GALNT18: variants seen among roughly 807,000 people sequenced by gnomAD.
GALNT18 encodes the protein GalNAc-transferase 18.
In GALNT18, 44 loss-of-function variants were observed where a neutral mutation model predicts 69.5. That is an observed-to-expected ratio of 0.63 (90% CI 0.50 to 0.81). The LOEUF (loss-of-function observed/expected upper bound fraction) is 0.81. GALNT18 is among the 40% of genes least tolerant of loss of function. The pLI, the probability that GALNT18 is intolerant of heterozygous loss-of-function variation, is 0.00. For synonymous variants in GALNT18, 364 were observed against 318.2 expected (o/e 1.14, Z -1.53); for missense variants, 715 against 810.0 (o/e 0.88, Z 1.42).
intron 1 of GALNT18, among the ~76,000 whole-genome samples, chr11:11,472,639 CTAA>C (rs1856298486): frequency 6.6e-6 from 1 of 152,144 alleles, no homozygotes; most frequent in Non-Finnish European, 1.5e-5. Context: ...AGTAATAAAA[CTAA>C]TGATTACAAT....
intron 1 of GALNT18, among the ~76,000 whole-genome samples, chr11:11,527,812 A>G (rs970083716): frequency 2.0e-5 from 3 of 152,174 alleles, no homozygotes; most frequent in Non-Finnish European, 4.4e-5. Context: ...ATTATTCTCT[A>G]TTTTCTTAAA....
At chr11:11,468,274 C>T (rs762475395) in intron 1 of GALNT18, among the ~76,000 whole-genome samples, 1 of 152,162 alleles carries the variant, frequency 6.6e-6, no homozygotes, top group Non-Finnish European at 1.5e-5. Flanking sequence ...ATCTTCCCTG[C>T]CTGAGCATGG....
intron 9 of GALNT18, among the ~76,000 whole-genome samples, chr11:11,299,160 A>C (rs1256672287): frequency 1.3e-5 from 2 of 151,872 alleles, no homozygotes; most frequent in African/African-American, 4.8e-5. Context: ...TTATTTTTTA[A>C]TTTTTTGACA....
intron 9 of GALNT18, among the ~76,000 whole-genome samples, chr11:11,304,616 T>G (rs1285203219): frequency 6.6e-6 from 1 of 152,242 alleles, no homozygotes; most frequent in Admixed American, 6.5e-5. Context: ...CAATTCATAC[T>G]TCTTAAATAC....
intron 3 of GALNT18, among the ~76,000 whole-genome samples, chr11:11,408,092 G>A (rs373510155): frequency 7.2e-4 from 110 of 152,206 alleles, no homozygotes; most frequent in Non-Finnish European, 1.4e-3. Context: ...CTGGCCAGGC[G>A]TGGTGGCTCA....
rs148333573 is a variant in GALNT18 at position 11,315,189 on chromosome 11, T to C, written c.1512+11897A>G. Among the ~76,000 whole-genome samples the C allele has an allele frequency of 3.3e-4, 51 of 152,272 alleles. No homozygotes were observed. The highest frequency in any genetic ancestry group is 1.6e-3 in the Admixed American group (24 of 15,292). On this transcript the variant is annotated intron_variant, in intron 9 of 10. Transcript: ENST00000227756. This position sits in a 1 kb window ranked among gnomAD's most constrained non-coding sequence, Gnocchi z 5.6. ...ATTTCCTATGAACTAAGCTTTAAGT[T>C]ACAGATACTTGAGGTCAAGAGAAAT...
At position 11,505,986 on chromosome 11, in the gene GALNT18, G is replaced by A. The variant is rs914461410; in HGVS notation, c.236-57050C>T. Among the ~76,000 whole-genome samples the A allele has an allele frequency of 6.6e-6, 1 of 152,040 alleles. No homozygotes were observed. Among genetic ancestry groups the A allele is most frequent in the Non-Finnish European group, 1.5e-5 (1 of 68,030 alleles). On this transcript the variant is annotated intron_variant, in intron 1 of 10. Transcript: ENST00000227756. The surrounding 1 kb of genome is among the most constrained non-coding windows in gnomAD (Gnocchi z 4.6). The stretch of plus-strand genomic sequence containing the variant: ...ATTTAAAGCTCAGCTCAGCTTTCAG[G>A]GACAAAATTATGTATTATTGAGGTT...
At chr11:11,271,368 C>T (rs1047708541) in intron 10 of GALNT18, 78 bp from the exon 11 acceptor site, 1 of 1,443,366 alleles carries the variant, frequency 6.9e-7, no homozygotes, top group Non-Finnish European at 9.7e-7. Context: ...GGCCAAGTGG[C>T]TGGTGAGGGC....
Position 11,340,842 on chromosome 11 carries a change from T to C in GALNT18, c.1255A>G (p.Met419Val). 6.2e-7 allele frequency: 1 copy of C among 1,613,718 alleles called. No individual in the cohort carries two copies. ...WMDEFKSHVY[M>V]AWNIPQEDSG... ...ACCTCCTGCGGTATGTTCCATGCCA[T>C]GTAGACGTGGCTTTTAAATTCATCC... The change falls in exon 7 of 11, where the codon ATG (methionine) becomes GTG (valine). Residue 419 changes from methionine to valine, a missense_variant. Coordinates refer to ENST00000227756, the MANE Select transcript of GALNT18 (RefSeq NM_198516.3). The surrounding 1 kb of genome is among the most constrained non-coding windows in gnomAD (Gnocchi z 4.2).
intron 3 of GALNT18, among the ~76,000 whole-genome samples, chr11:11,381,511 G>C (rs1010299218): frequency 6.6e-6 from 1 of 152,152 alleles, no homozygotes; most frequent in African/African-American, 2.4e-5. Context: ...GCTACCAAAT[G>C]GTCTCCTATG....
At chr11:11,289,291 CTAGGAATTCAAAAA>C (rs1651132431) in intron 10 of GALNT18, among the ~76,000 whole-genome samples, 1 of 152,162 alleles carries the variant, frequency 6.6e-6, no homozygotes, top group Non-Finnish European at 1.5e-5. Context: ...GGTCTGAAAA[CTAGGAATTCAAAAA>C]TAGTATTTCC....
chr11:11,448,704 T>C (rs761697702), intron 2 of GALNT18, 40 bp downstream of exon 2: 11 of 1,556,778 alleles, frequency 7.1e-6, no homozygotes, highest in Non-Finnish European at 2.6e-6. Flanking sequence ...CATCTCCCCA[T>C]AGGCAGGTCG....
In GALNT18 at chr11:11,439,463, C is replaced by CAATT. The variant is rs1431738419; in HGVS notation, c.429-6680_429-6677dup. 6.6e-6 allele frequency among the ~76,000 whole-genome samples: 1 copy of CAATT among 152,220 alleles called. No individual in the cohort carries two copies. Among genetic ancestry groups the CAATT allele is most frequent in the East Asian group, 1.9e-4 (1 of 5,192 alleles). ...CGTACATAACCCAGTAGAGAAAGAC[C>CAATT]AATTCCCTTCCTGGGCTGGAGTCCA... On this transcript the variant is annotated intron_variant, in intron 2 of 10. Coordinates refer to ENST00000227756, the MANE Select transcript of GALNT18 (RefSeq NM_198516.3). This position sits in a 1 kb window ranked among gnomAD's most constrained non-coding sequence, Gnocchi z 4.4.
chr11:11,417,144 G>A (rs1199384678), intron 3 of GALNT18, among the ~76,000 whole-genome samples: 2 of 152,206 alleles, frequency 1.3e-5, no homozygotes, highest in Non-Finnish European at 2.9e-5. Context: ...CCCAGGGACA[G>A]AATCCACACC....
intron 3 of GALNT18, among the ~76,000 whole-genome samples, chr11:11,417,944 A>C (rs1449979196): frequency 6.6e-6 from 1 of 152,238 alleles, no homozygotes; most frequent in Non-Finnish European, 1.5e-5. Flanking sequence ...CACATGAAAG[A>C]TGCTTAGCTA....
intron 1 of GALNT18, among the ~76,000 whole-genome samples, chr11:11,490,597 C>T (rs961232630): frequency 3.3e-5 from 5 of 152,104 alleles, no homozygotes; most frequent in Admixed American, 6.5e-5. Context: ...CAGCCCAGTC[C>T]AGGGGCCTAT....
Position 11,606,577 on chromosome 11 carries a change from C to A in GALNT18, c.235+14782G>T, listed in dbSNP as rs1316177877. ...GCTCTGTTCCCAGATACGGAGGCAG[C>A]ATCACTAGGAGCTGTTGGACCCGAA... On this transcript the variant is annotated intron_variant, in intron 1 of 10. Coordinates refer to ENST00000227756, the MANE Select transcript of GALNT18 (RefSeq NM_198516.3). This position sits in a 1 kb window ranked among gnomAD's most constrained non-coding sequence, Gnocchi z 5.4. 6.6e-6 allele frequency among the ~76,000 whole-genome samples: 1 copy of A among 152,168 alleles called. No homozygotes were observed. The highest frequency in any genetic ancestry group is 1.9e-4 in the East Asian group (1 of 5,192).
At chr11:11,493,981 C>G (rs1856824252) in intron 1 of GALNT18, among the ~76,000 whole-genome samples, 2 of 152,098 alleles carry the variant, frequency 1.3e-5, no homozygotes, top group African/African-American at 4.8e-5. Context: ...AGGTTCAGAT[C>G]CGAGGAGCAC....
intron 5 of GALNT18, among the ~76,000 whole-genome samples, chr11:11,375,780 C>T (rs979616986): frequency 6.6e-6 from 1 of 151,088 alleles, no homozygotes; most frequent in East Asian, 1.9e-4. Flanking sequence ...TGTTTAACAA[C>T]ACAAAATTGT....
Sources: gnomAD v4.1 joint callset for allele counts (sites outside exome capture counted in the v4.1 genomes callset) on GRCh38, gnomAD v4.1.1 for gene constraint, Gnocchi (gnomAD v3.1) non-coding constraint, MANE v1.5 for transcripts, NCBI Gene and HGNC (gene_info 2026-07-23, HGNC 2026-07-21) for gene names.